ATG2B: variants seen among roughly 807,000 people sequenced by gnomAD.
The protein encoded by ATG2B is autophagy related 2B, also known as autophagy-related protein 2 homolog B.
Under a neutral mutation model 241.3 loss-of-function variants are expected in ATG2B, and 121 were observed. The ratio of observed to expected loss-of-function variants is 0.50; its 90% CI spans 0.43 to 0.58. The LOEUF (loss-of-function observed/expected upper bound fraction) is 0.58. ATG2B is among the 20% of genes least tolerant of loss of function. The pLI is 0.00. For synonymous variants in ATG2B, 858 were observed against 876.6 expected (o/e 0.98, Z 0.37); for missense variants, 2,306 against 2,491.6 (o/e 0.93, Z 1.59).
chr14:96,287,172 G>A (rs1566711419), intron 41 of ATG2B, among the ~76,000 whole-genome samples: 1 of 141,560 alleles, frequency 7.1e-6, no homozygotes, highest in East Asian at 2.2e-4. Flanking sequence ...GGAGAATGGC[G>A]TGAACCAGGA....
At chr14:96,293,795 T>A (rs1464233495) in intron 36 of ATG2B, among the ~76,000 whole-genome samples, 1 of 152,158 alleles carries the variant, frequency 6.6e-6, no homozygotes, top group East Asian at 1.9e-4. Context: ...CCTAAGTAAG[T>A]ATAGGGCTTG....
chr14:96,317,558 T>G, intron 19 of ATG2B, 140 bp downstream of exon 19: 5 of 740,864 alleles, frequency 6.7e-6, no homozygotes, highest in Non-Finnish European at 1.0e-5. Context: ...TAAGGAAATA[T>G]TCTTATAAAT....
At chr14:96,334,572 T>C in intron 6 of ATG2B, 71 bp from the exon 7 acceptor site, 2 of 864,818 alleles carry the variant, frequency 2.3e-6, no homozygotes, top group South Asian at 3.6e-5. Context: ...CGTCAGTATA[T>C]TTTAATGAAC....
intron 23 of ATG2B, among the ~76,000 whole-genome samples, chr14:96,314,034 C>T (rs1260312472): frequency 6.6e-6 from 1 of 152,152 alleles, no homozygotes; most frequent in Non-Finnish European, 1.5e-5. Context: ...ACCAGTCCCT[C>T]TCACCAACAT....
chr14:96,323,036 A>G (rs557662432), intron 16 of ATG2B, among the ~76,000 whole-genome samples: 1 of 152,342 alleles, frequency 6.6e-6, no homozygotes, highest in Admixed American at 6.5e-5. Context: ...TAAGGATTCT[A>G]GTTATCATTA....
In ATG2B at chr14:96,306,804, G is replaced by T. The variant is rs1452236027; in HGVS notation, c.4416C>A (p.Phe1472Leu). 1.2e-6 allele frequency: 2 copies of T among 1,613,974 alleles called. No homozygotes were observed. The highest frequency in any genetic ancestry group is 2.7e-5 in the African/African-American group (2 of 74,882). The change falls in exon 30 of 42, where the codon TTC (phenylalanine) becomes TTA (leucine). Residue 1472 changes from phenylalanine to leucine, a missense_variant. This residue lies in a region of ATG2B where 1,927 missense variants were observed against 2,011.2 expected (regional missense o/e 0.96). Coordinates refer to ENST00000359933, the MANE Select transcript of ATG2B (RefSeq NM_018036.7). ...TTGCATCACTGATGAAATGGTGAGA[G>T]AATGAGGCATAGGTGGGGCCGGACT... ...SQESGPTYAS[F>L]SHHFISDAMT... is the part of the protein sequence containing the mutation.
At chr14:96,332,247 G>T in intron 10 of ATG2B, 58 bp downstream of exon 10, 12 of 1,309,124 alleles carry the variant, frequency 9.2e-6, no homozygotes, top group Non-Finnish European at 1.2e-5. Context: ...AGCACCAGTA[G>T]AATGGCATTT....
At chr14:96,307,564 C>T (rs1023906327) in intron 29 of ATG2B, among the ~76,000 whole-genome samples, 5 of 152,138 alleles carry the variant, frequency 3.3e-5, no homozygotes, top group African/African-American at 1.2e-4. Flanking sequence ...TTGCTTTACC[C>T]AGAATTTCAC....
At position 96,344,687 on chromosome 14, in the gene ATG2B, T is replaced by C. The variant is rs751485994; in HGVS notation, c.548A>G (p.Lys183Arg). The part of the protein sequence containing the change: ...LRIEHVPENS[K>R]TGTALEIRIE... ...TCGAATTTCAAGTGCAGTTCCAGTTTTGGAATTTTCTGGCACATGTTCAAT... is the reference window on the plus strand; with the variant it reads ...TCGAATTTCAAGTGCAGTTCCAGTTCTGGAATTTTCTGGCACATGTTCAAT... Residue 183 changes from lysine to arginine, a missense_variant, in exon 4 of 42, where the codon AAA becomes AGA. Physicochemically the swap from Lys to Arg is conservative, Grantham distance 26 (BLOSUM62 2). Transcript: ENST00000359933. The C allele has an allele frequency of 1.9e-6, 3 of 1,606,858 alleles. No individual in the cohort carries two copies. The highest frequency in any genetic ancestry group is 3.4e-5 in the Admixed American group (2 of 59,108).
At position 96,290,676 on chromosome 14, in the gene ATG2B, C is replaced by T. The variant is rs537904133; in HGVS notation, c.5702-86G>A. 1.3e-6 allele frequency: 2 copies of T among 1,569,318 alleles called. No homozygotes were observed. Among genetic ancestry groups the T allele is most frequent in the South Asian group, 2.4e-5 (2 of 84,964 alleles). On this transcript the variant is annotated intron_variant, in intron 39 of 41. Transcript: ENST00000359933. This position sits in a 1 kb window ranked among gnomAD's most constrained non-coding sequence, Gnocchi z 4.4. ...ACCCTGGGGTTTTTAACTCCTAAAA[C>T]TGGAGGCAAAGTTTTGTGTATATGA...
At position 96,289,438 on chromosome 14, in the gene ATG2B, C is replaced by A; in HGVS notation, c.6006+218G>T. The A allele has an allele frequency of 4.4e-6, 2 of 459,342 alleles. No homozygotes were observed. The highest frequency in any genetic ancestry group is 3.5e-5 in the South Asian group (1 of 28,944). The allele number at this position is 459,342 out of a possible 1,614,324, so 28.5% of individuals were successfully genotyped here. ...CTGCAGGTGAAGAGAGAGAATCCAT[C>A]CACCCACGCAATCACTAGTATTCCT... On this transcript the variant is annotated intron_variant, in intron 41 of 41. Coordinates refer to ENST00000359933, the MANE Select transcript of ATG2B (RefSeq NM_018036.7). The surrounding 1 kb of genome is among the most constrained non-coding windows in gnomAD (Gnocchi z 4.3).
rs1190731339 is a variant in ATG2B, at chr14:96,284,765, C to T, written c.*990G>A. 4 of 152,160 alleles carry T rather than the reference C, an allele frequency of 2.6e-5. No individual in the cohort carries two copies. Among genetic ancestry groups the T allele is most frequent in the Admixed American group, 2.6e-4 (4 of 15,282 alleles). The allele number at this position is 152,160 out of a possible 1,614,324, so 9.4% of individuals were successfully genotyped here. ...ACAATATCACCTTTAAATAAAAATA[C>T]TTTATTCATTCCTGATAGGTTATCA... On this transcript the variant is annotated 3_prime_UTR_variant, in exon 42 of 42. Coordinates refer to ENST00000359933, the MANE Select transcript of ATG2B (RefSeq NM_018036.7).
In ATG2B at chr14:96,290,652, C is replaced by T; in HGVS notation, c.5702-62G>A. 1 of 1,593,368 alleles carries T rather than the reference C, an allele frequency of 6.3e-7. No homozygotes were observed. Among genetic ancestry groups the T allele is most frequent in the Non-Finnish European group, 8.6e-7 (1 of 1,168,778 alleles). On this transcript the variant is annotated intron_variant, in intron 39 of 41. Coordinates refer to ENST00000359933, the MANE Select transcript of ATG2B (RefSeq NM_018036.7). The surrounding 1 kb of genome is among the most constrained non-coding windows in gnomAD (Gnocchi z 4.4). ...AGTTCAGACTTTTCTATCATTCTAA[C>T]CCTGGGGTTTTTAACTCCTAAAACT... is the stretch of plus-strand genomic sequence containing the variant.
In ATG2B at chr14:96,280,283, T is replaced by C. The variant is rs979682469; in HGVS notation, c.*5472A>G. The C allele has an allele frequency of 2.6e-5, 4 of 152,338 alleles. No homozygotes were observed. Among genetic ancestry groups the C allele is most frequent in the African/African-American group, 9.6e-5 (4 of 41,576 alleles). The allele number at this position is 152,338 out of a possible 1,614,324, so 9.4% of individuals were successfully genotyped here. A position where few individuals can be genotyped will look rare whatever the true frequency, so the allele number is the denominator to read the frequency against. ...TGCTCCAAGCTTTTCTTAAATGAAG[T>C]CCTGGGAAGAGCATGAGGTCTGGAA... On this transcript the variant is annotated 3_prime_UTR_variant, in exon 42 of 42. Coordinates refer to ENST00000359933, the MANE Select transcript of ATG2B (RefSeq NM_018036.7).
At chr14:96,308,263 TATATATATATATATATA>T (rs1566719847) in intron 29 of ATG2B, among the ~76,000 whole-genome samples, 38 of 26,454 alleles carry the variant, frequency 1.4e-3, no homozygotes, top group African/African-American at 3.1e-3. Flanking sequence ...CACACATATA[TATATATATATATATATA>T]TATTTTTTTT....
intron 1 of ATG2B, among the ~76,000 whole-genome samples, chr14:96,349,033 C>A (rs1424094590): frequency 6.6e-6 from 1 of 152,102 alleles, no homozygotes; most frequent in Non-Finnish European, 1.5e-5. Context: ...TGATTATATA[C>A]AGAGGAAACA....
chr14:96,361,398 A>C (rs1394070741), intron 1 of ATG2B, among the ~76,000 whole-genome samples: 1 of 152,244 alleles, frequency 6.6e-6, no homozygotes. Context: ...AAATGGAAAT[A>C]TTAATGCCCA....
At chr14:96,347,444 G>T in intron 1 of ATG2B, 103 bp from the exon 2 acceptor site, 1 of 842,204 alleles carries the variant, frequency 1.2e-6, no homozygotes, top group Non-Finnish European at 1.7e-6. Flanking sequence ...TAGGCACTAG[G>T]TATAAAGAAA....
chr14:96,307,051 T>C, intron 29 of ATG2B, 135 bp from the exon 30 acceptor site: 1 of 803,616 alleles, frequency 1.2e-6, no homozygotes, highest in Non-Finnish European at 1.9e-6. Context: ...AGTCTATGAA[T>C]CTGAGGCTTA....
Sources: gnomAD v4.1 joint callset for allele counts (sites outside exome capture counted in the v4.1 genomes callset) on GRCh38, gnomAD v4.1.1 for gene constraint, gnomAD v4.1.1 regional missense constraint, Gnocchi (gnomAD v3.1) non-coding constraint, MANE v1.5 for transcripts, NCBI Gene and HGNC (gene_info 2026-07-23, HGNC 2026-07-21) for gene names.